FGGY: variants seen among roughly 807,000 people sequenced by gnomAD.
FGGY encodes FGGY carbohydrate kinase domain-containing protein.
A neutral mutation model predicts 71.3 loss-of-function variants in FGGY; 72 were observed. The ratio of observed to expected loss-of-function variants is 1.01; its 90% CI spans 0.84 to 1.23. The LOEUF is 1.23. Ranked by LOEUF, FGGY falls within the 50% of genes most tolerant of loss-of-function variation. The pLI is 0.00. For missense variants in FGGY, 668 were observed against 682.3 expected, an observed-to-expected ratio of 0.98 and a Z score of 0.23; for synonymous variants, 251 against 250.3, an observed-to-expected ratio of 1.00 and a Z score of -0.02.
intron 6 of FGGY, among the ~76,000 whole-genome samples, chr1:59,504,346 AC>A (rs2094321311): frequency 6.6e-6 from 1 of 151,216 alleles, no homozygotes; most frequent in Non-Finnish European, 1.5e-5. Context: ...GGTTGTGAGA[AC>A]CCCAACTTGA....
chr1:59,762,569 C>A lies in FGGY; in HGVS notation c.1641C>A (p.Ile547=). Residue 547 remains isoleucine, a synonymous_variant, in exon 16 of 16, where the codon ATC becomes ATA. Coordinates refer to ENST00000303721, the MANE Select transcript of FGGY (RefSeq NM_018291.5). ...LVEHQKEYLA[I]MNDD ...AACACCAGAAGGAGTATTTGGCGATCATGAATGATGACTGAACAGGGCTTG... is the reference window on the plus strand; with the variant it reads ...AACACCAGAAGGAGTATTTGGCGATAATGAATGATGACTGAACAGGGCTTG... 6.2e-7 allele frequency: 1 copy of A among 1,613,724 alleles called. No individual in the cohort carries two copies. Among genetic ancestry groups the A allele is most frequent in the Non-Finnish European group, 8.5e-7 (1 of 1,179,754 alleles).
At chr1:59,635,023 C>T (rs1203406965) in intron 10 of FGGY, among the ~76,000 whole-genome samples, 1 of 152,136 alleles carries the variant, frequency 6.6e-6, no homozygotes, top group African/African-American at 2.4e-5. Flanking sequence ...GTGAGCGATC[C>T]ACTTGGGATC....
intron 8 of FGGY, among the ~76,000 whole-genome samples, chr1:59,596,709 C>T (rs61788911): frequency 0.14 from 20,520 of 151,562 alleles, 1,791 homozygotes; most frequent in Middle Eastern, 0.22. Flanking sequence ...TTCCAGGCAC[C>T]CAGGCCTGGG....
At chr1:59,690,895 A>C (rs960713483) in intron 14 of FGGY, among the ~76,000 whole-genome samples, 3 of 152,362 alleles carry the variant, frequency 2.0e-5, no homozygotes, top group Admixed American at 2.0e-4. Flanking sequence ...CTGCTGCTTA[A>C]CGGTTCTCAC....
chr1:59,408,743 C>T (rs1455845185), intron 5 of FGGY, among the ~76,000 whole-genome samples: 3 of 152,108 alleles, frequency 2.0e-5, no homozygotes, highest in Non-Finnish European at 2.9e-5. Flanking sequence ...AAAAAACAAA[C>T]GGCTGGTGTG....
chr1:59,634,156 C>T (rs1047873361), intron 10 of FGGY, among the ~76,000 whole-genome samples: 2 of 152,150 alleles, frequency 1.3e-5, no homozygotes, highest in African/African-American at 4.8e-5. Context: ...CCTATAATCC[C>T]AGCACTTTGA....
intron 6 of FGGY, among the ~76,000 whole-genome samples, chr1:59,483,422 A>T (rs2093562302): frequency 6.6e-6 from 1 of 152,174 alleles, no homozygotes; most frequent in Non-Finnish European, 1.5e-5. Flanking sequence ...AAAACAGATG[A>T]TTAATTTATT....
intron 14 of FGGY, among the ~76,000 whole-genome samples, chr1:59,740,200 C>T (rs1349322719): frequency 6.6e-6 from 1 of 152,202 alleles, no homozygotes; most frequent in East Asian, 1.9e-4. Context: ...TTCAGTTACC[C>T]AATGTGAGTG....
At chr1:59,661,010 A>T (rs1388288473) in intron 12 of FGGY, among the ~76,000 whole-genome samples, 1 of 152,210 alleles carries the variant, frequency 6.6e-6, no homozygotes, top group East Asian at 1.9e-4. Context: ...CACAGCAGGT[A>T]TGTAACCGAA....
chr1:59,700,750 A>C (rs2097702995), intron 14 of FGGY, among the ~76,000 whole-genome samples: 1 of 152,198 alleles, frequency 6.6e-6, no homozygotes, highest in Non-Finnish European at 1.5e-5. Context: ...TTCAGGTAAC[A>C]AGAAATGTTA....
chr1:59,588,129 G>A (rs1367586978), intron 8 of FGGY, among the ~76,000 whole-genome samples: 3 of 152,172 alleles, frequency 2.0e-5, no homozygotes, highest in East Asian at 1.9e-4. Flanking sequence ...GCCAAGGCTC[G>A]AGAACTACGT....
chr1:59,674,915 G>A (rs2097421382), intron 14 of FGGY, among the ~76,000 whole-genome samples: 5 of 152,178 alleles, frequency 3.3e-5, no homozygotes, highest in Admixed American at 3.3e-4. Context: ...ATCCTAGCTT[G>A]ATTACCTACC....
intron 9 of FGGY, among the ~76,000 whole-genome samples, chr1:59,625,369 T>C (rs2096846164): frequency 6.6e-6 from 1 of 152,154 alleles, no homozygotes; most frequent in Non-Finnish European, 1.5e-5. Context: ...TCTGCAGAGC[T>C]CAGACATTTC....
intron 5 of FGGY, among the ~76,000 whole-genome samples, chr1:59,406,635 A>G (rs2062803563): frequency 6.6e-6 from 1 of 152,184 alleles, no homozygotes; most frequent in Non-Finnish European, 1.5e-5. Flanking sequence ...TGAGTTGGCA[A>G]AAATATAACT....
intron 6 of FGGY, among the ~76,000 whole-genome samples, chr1:59,478,934 CTG>C (rs2093369406): frequency 6.6e-6 from 1 of 152,166 alleles, no homozygotes; most frequent in Non-Finnish European, 1.5e-5. Context: ...GGACTGGACA[CTG>C]TTCATTTGAT....
At chr1:59,307,313 C>CAAAAAAAAA in intron 1 of FGGY, among the ~76,000 whole-genome samples, 1 of 67,382 alleles carries the variant, frequency 1.5e-5, no homozygotes, top group Non-Finnish European at 2.9e-5. Context: ...GACCCTGTCT[C>CAAAAAAAAA]AAAAAAAAAA....
chr1:59,336,408 T>C (rs920313285), intron 2 of FGGY, among the ~76,000 whole-genome samples: 5 of 152,042 alleles, frequency 3.3e-5, no homozygotes, highest in Non-Finnish European at 7.4e-5. Context: ...GCATATATTT[T>C]CCAAGTTCTT....
At chr1:59,654,053 A>T (rs559361214) in intron 11 of FGGY, among the ~76,000 whole-genome samples, 1 of 152,190 alleles carries the variant, frequency 6.6e-6, no homozygotes, top group Admixed American at 6.5e-5. Context: ...TTAGTGTTTA[A>T]TTGAATAACC....
intron 7 of FGGY, among the ~76,000 whole-genome samples, chr1:59,539,524 G>A (rs1217858672): frequency 6.6e-6 from 1 of 152,110 alleles, no homozygotes; most frequent in Non-Finnish European, 1.5e-5. Flanking sequence ...ATTTTTCAGT[G>A]AAATAGTACC....
Sources: gnomAD v4.1 joint callset for allele counts (sites outside exome capture counted in the v4.1 genomes callset) on GRCh38, gnomAD v4.1.1 for gene constraint, MANE v1.5 for transcripts, NCBI Gene and HGNC (gene_info 2026-07-23, HGNC 2026-07-21) for gene names.